RBFOX1: variants seen among roughly 807,000 people sequenced by gnomAD.
RBFOX1 encodes the protein RNA binding fox-1 homolog 1, also known as RNA binding protein fox-1 homolog 1.
A neutral mutation model predicts 57.7 loss-of-function variants in RBFOX1; 8 were observed. That is an observed-to-expected ratio of 0.14 (90% CI 0.08 to 0.25). The LOEUF (loss-of-function observed/expected upper bound fraction) is 0.25, where lower values mean the gene tolerates loss of function less well. Ranked by LOEUF, RBFOX1 falls within the 10% of genes least tolerant of loss-of-function variation. The pLI, the probability that RBFOX1 is intolerant of heterozygous loss-of-function variation, is 1.00. For synonymous variants in RBFOX1, 326 were observed against 222.4 expected, an observed-to-expected ratio of 1.47 and a Z score of -4.15; for missense variants, 611 against 548.5, an observed-to-expected ratio of 1.11 and a Z score of -1.14.
At chr16:6,742,308 G>A (rs8046225) in intron 3 of RBFOX1, among the ~76,000 whole-genome samples, 64,987 of 151,954 alleles carry the variant, frequency 0.43, 14,048 homozygotes, top group Middle Eastern at 0.53. Context: ...ATGTTAAACA[G>A]GTAAAATTTA....
intron 14 of RBFOX1, among the ~76,000 whole-genome samples, chr16:7,692,859 T>C (rs970480562): frequency 2.6e-5 from 4 of 151,366 alleles, no homozygotes; most frequent in Non-Finnish European, 5.9e-5. Context: ...CCATATAAAA[T>C]TGTCTTCTGA....
intron 1 of RBFOX1, among the ~76,000 whole-genome samples, chr16:5,391,522 G>GT (rs962198852): frequency 3.3e-5 from 5 of 152,034 alleles, no homozygotes; most frequent in African/African-American, 1.2e-4. Flanking sequence ...CCATTTTAAG[G>GT]TCAGCAGCCT....
chr16:5,260,785 C>G (rs1258215584), intron 1 of RBFOX1: 1 of 152,262 alleles, frequency 6.6e-6, no homozygotes, highest in African/African-American at 2.4e-5. Flanking sequence ...TCTTCTCATG[C>G]CAGCTGTGTC....
intron 1 of RBFOX1, among the ~76,000 whole-genome samples, chr16:5,352,710 A>C (rs142827377): frequency 6.6e-6 from 1 of 152,322 alleles, no homozygotes; most frequent in African/African-American, 2.4e-5. Context: ...TGGGAGGCCA[A>C]GGTGGGGGGA....
intron 4 of RBFOX1, among the ~76,000 whole-genome samples, chr16:7,195,989 G>A (rs535200748): frequency 1.3e-5 from 2 of 151,854 alleles, no homozygotes; most frequent in South Asian, 4.2e-4. Flanking sequence ...GATCTAAGGA[G>A]TTTCTTCCAG....
intron 1 of RBFOX1, among the ~76,000 whole-genome samples, chr16:6,039,570 A>G (rs762108444): frequency 3.9e-5 from 6 of 152,074 alleles, no homozygotes; most frequent in Non-Finnish European, 7.3e-5. Flanking sequence ...CTGAATAATT[A>G]TGCATTTCTT....
intron 4 of RBFOX1, among the ~76,000 whole-genome samples, chr16:7,111,336 A>G (rs1247372081): frequency 2.0e-5 from 3 of 152,246 alleles, no homozygotes; most frequent in Non-Finnish European, 4.4e-5. Context: ...CCGACTTTGC[A>G]GACGGAGCTG....
intron 3 of RBFOX1, among the ~76,000 whole-genome samples, chr16:6,972,113 A>G (rs562096749): frequency 6.6e-6 from 1 of 152,350 alleles, no homozygotes; most frequent in South Asian, 2.1e-4. Context: ...AAAGCACACA[A>G]CATCTAACCA....
intron 3 of RBFOX1, among the ~76,000 whole-genome samples, chr16:7,023,732 A>G (rs1271141283): frequency 6.6e-6 from 1 of 152,128 alleles, no homozygotes; most frequent in South Asian, 2.1e-4. Context: ...ACACAGAAAC[A>G]GGTATCACTT....
At chr16:6,965,633 G>A (rs1384158416) in intron 3 of RBFOX1, among the ~76,000 whole-genome samples, 1 of 152,188 alleles carries the variant, frequency 6.6e-6, no homozygotes, top group Non-Finnish European at 1.5e-5. Flanking sequence ...CACTGCGCCT[G>A]GCTGACAAAT....
intron 2 of RBFOX1, among the ~76,000 whole-genome samples, chr16:6,636,416 C>G (rs1020960209): frequency 2.5e-4 from 38 of 152,092 alleles, no homozygotes; most frequent in African/African-American, 9.2e-4. Context: ...GTGATCAGCC[C>G]GGCTCGGCCT....
At position 6,985,790 on chromosome 16, in the gene RBFOX1, T is replaced by G. The variant is rs185677978; in HGVS notation, c.-15-66267T>G. Among the ~76,000 whole-genome samples, 979 of 137,340 alleles carry G rather than the reference T, an allele frequency of 7.1e-3. 13 individuals are homozygous for G. The highest frequency in any genetic ancestry group is 0.026 in the African/African-American group (923 of 35,654). The allele number at this position is 137,340 out of a possible 152,430, so 90.1% of individuals were successfully genotyped here. A position where few individuals can be genotyped will look rare whatever the true frequency, so the allele number is the denominator to read the frequency against. ...CAGAGGTTGCAATGAGCTTAGTTGG[T>G]GCTACTGCACTCCGGCCTGGGCCAC... is the stretch of plus-strand genomic sequence containing the variant. On this transcript the variant is annotated intron_variant, in intron 3 of 15. Transcript: ENST00000550418.
At chr16:7,523,759 C>T (rs983478553) in intron 5 of RBFOX1, among the ~76,000 whole-genome samples, 2 of 152,126 alleles carry the variant, frequency 1.3e-5, no homozygotes, top group Admixed American at 6.5e-5. Context: ...TTGTTACAAA[C>T]AATTACATCT....
intron 4 of RBFOX1, among the ~76,000 whole-genome samples, chr16:7,396,856 A>C (rs2098147252): frequency 6.6e-6 from 1 of 152,132 alleles, no homozygotes; most frequent in Admixed American, 6.6e-5. Flanking sequence ...CATGGGAATC[A>C]CTTAAACCCA....
intron 4 of RBFOX1, among the ~76,000 whole-genome samples, chr16:7,218,805 A>G (rs1168329572): frequency 6.6e-6 from 1 of 151,806 alleles, no homozygotes; most frequent in Non-Finnish European, 1.5e-5. Context: ...TGCAATCAGG[A>G]ACCTGTCTAG....
intron 4 of RBFOX1, 102 bp downstream of exon 4, chr16:7,052,200 T>G: frequency 6.7e-7 from 1 of 1,482,914 alleles, no homozygotes; most frequent in Non-Finnish European, 9.0e-7. Context: ...ATAACAGGCT[T>G]CATCTTAAGA....
At chr16:5,968,216 G>A (rs774920615) in intron 4 of RBFOX1, among the ~76,000 whole-genome samples, 18 of 151,950 alleles carry the variant, frequency 1.2e-4, no homozygotes, top group South Asian at 2.1e-4. Context: ...CTGGGATTAT[G>A]GGCATGTACC....
intron 3 of RBFOX1, among the ~76,000 whole-genome samples, chr16:5,797,259 AC>A (rs2054909378): frequency 6.6e-6 from 1 of 152,174 alleles, no homozygotes; most frequent in Admixed American, 6.5e-5. Context: ...AACTACATAG[AC>A]TGGATTTGCA....
chr16:6,683,976 A>T (rs188503752), intron 3 of RBFOX1, among the ~76,000 whole-genome samples: 99 of 152,236 alleles, frequency 6.5e-4, no homozygotes, highest in African/African-American at 2.1e-3. Context: ...TCTTTTCTCC[A>T]TGTTACCCCG....
Sources: gnomAD v4.1 joint callset for allele counts (sites outside exome capture counted in the v4.1 genomes callset) on GRCh38, gnomAD v4.1.1 for gene constraint, MANE v1.5 for transcripts, NCBI Gene and HGNC (gene_info 2026-07-23, HGNC 2026-07-21) for gene names.